GLDN: variants seen among roughly 807,000 people sequenced by gnomAD.
The protein encoded by GLDN is collomin.
Under a neutral mutation model 56.5 loss-of-function variants are expected in GLDN, and 47 were observed. The observed-to-expected ratio is 0.83, with a 90% confidence interval of 0.66 to 1.06. The LOEUF (loss-of-function observed/expected upper bound fraction) is 1.06, where lower values mean the gene tolerates loss of function less well. Among genes scored for constraint, GLDN ranks in the 50% least tolerant of loss-of-function variants. The pLI, the probability that GLDN is intolerant of heterozygous loss-of-function variation, is 0.00. For synonymous variants in GLDN, 332 were observed against 278.8 expected, an observed-to-expected ratio of 1.19 and a Z score of -1.90; for missense variants, 782 against 714.3, an observed-to-expected ratio of 1.09 and a Z score of -1.08.
At position 51,400,585 on chromosome 15, in the gene GLDN, G is replaced by A. The variant is rs1384708863; in HGVS notation, c.1027+87G>A. 3.6e-6 allele frequency: 5 copies of A among 1,388,820 alleles called. No homozygotes were observed. The East Asian group carries it at 1.2e-4, about 32-fold the overall frequency. 86.0% of individuals were successfully genotyped at this position (1,388,820 alleles called of 1,614,324 possible). A position where few individuals can be genotyped will look rare whatever the true frequency, so the allele number is the denominator to read the frequency against. On this transcript the variant is annotated intron_variant, in intron 8 of 9. Transcript: ENST00000335449. ...ACCTTTGGGCGTATTCCATTTGTGT[G>A]TGTCTGAAATCCCCGGTAGCTGGTG... is the stretch of plus-strand genomic sequence containing the variant.
At chr15:51,408,245 T>G (rs2038424933), downstream of GLDN, among the ~76,000 whole-genome samples, 1 of 152,196 alleles carries the variant, frequency 6.6e-6, no homozygotes, top group African/African-American at 2.4e-5. Context: ...TAGACATAAA[T>G]GCAATCAAGC....
chr15:51,355,884 C>G (rs944096871), intron 1 of GLDN, among the ~76,000 whole-genome samples: 7 of 150,520 alleles, frequency 4.7e-5, no homozygotes, highest in African/African-American at 7.3e-5. Flanking sequence ...GACCTCCTGT[C>G]TCATCCTGAG....
In GLDN at chr15:51,383,257, A is replaced by G. The variant is rs112974655; in HGVS notation, c.416-179A>G. Among the ~76,000 whole-genome samples the G allele has an allele frequency of 3.9e-4, 60 of 152,354 alleles. 2 individuals are homozygous for G. Among genetic ancestry groups the G allele is most frequent in the African/African-American group, 1.4e-3 (59 of 41,584 alleles). On this transcript the variant is annotated intron_variant, in intron 2 of 9. Transcript: ENST00000335449. ...CAAGCAAAAGTGGTTTGATTGGCAA[A>G]TGGGTCTTTGTTGAATTGCTTTAAA...
chr15:51,362,399 C>T (rs532409722), intron 1 of GLDN, among the ~76,000 whole-genome samples: 4 of 150,710 alleles, frequency 2.7e-5, no homozygotes, highest in East Asian at 2.0e-4. Flanking sequence ...GCAGGAGAAT[C>T]GCTTGAACCA....
At chr15:51,377,592 A>T (rs913670533) in intron 2 of GLDN, 92 bp downstream of exon 2, 1 of 829,836 alleles carries the variant, frequency 1.2e-6, no homozygotes, top group Non-Finnish European at 1.9e-6. Context: ...ACACTTTGTT[A>T]TAAAAATACA....
chr15:51,364,137 A>T (rs79260774), intron 1 of GLDN, among the ~76,000 whole-genome samples: 4,951 of 151,626 alleles, frequency 0.033, 114 homozygotes, highest in Non-Finnish European at 0.045. Flanking sequence ...GAATTTTGGA[A>T]TTTTTTTTGC....
At chr15:51,392,015 G>A (rs1384629806) in intron 4 of GLDN, among the ~76,000 whole-genome samples, 1 of 152,206 alleles carries the variant, frequency 6.6e-6, no homozygotes, top group Non-Finnish European at 1.5e-5. Context: ...TTCTAACAGT[G>A]ATCGACACTT....
intron 2 of GLDN, 118 bp downstream of exon 2, chr15:51,377,618 A>G (rs2037662873): frequency 1.5e-6 from 1 of 675,222 alleles, no homozygotes; most frequent in Non-Finnish European, 2.5e-6. Flanking sequence ...GTTTACTTTT[A>G]CCAGATGTTT....
chr15:51,360,766 T>C (rs2037282389), intron 1 of GLDN, among the ~76,000 whole-genome samples: 1 of 152,212 alleles, frequency 6.6e-6, no homozygotes, highest in African/African-American at 2.4e-5. Flanking sequence ...ACTCCTTTAC[T>C]AGGGAGGGAC....
At position 51,342,079 on chromosome 15, in the gene GLDN, C is replaced by G. The variant is rs376095060; in HGVS notation, c.363+32C>G. ...GGGGTCTCTGTTCCCCGTGGCGCCC[C>G]GGCCAGGTGGGCGGCTGGGGGTGTG... On this transcript the variant is annotated intron_variant, in intron 1 of 9. Coordinates refer to ENST00000335449, the MANE Select transcript of GLDN (RefSeq NM_181789.4). The G allele has an allele frequency of 3.7e-4, 582 of 1,588,302 alleles. 11 individuals are homozygous for G. The South Asian group carries it at 6.1e-3, about 17-fold the overall frequency.
chr15:51,353,372 C>T (rs1164760247), intron 1 of GLDN, among the ~76,000 whole-genome samples: 1 of 152,156 alleles, frequency 6.6e-6, no homozygotes, highest in Non-Finnish European at 1.5e-5. Context: ...GTTGCAATTC[C>T]CCTGTCTTGA....
Position 51,390,155 on chromosome 15 carries a change from G to A in GLDN, c.542-4680G>A, listed in dbSNP as rs144300720. Among the ~76,000 whole-genome samples the A allele has an allele frequency of 1.9e-3, 284 of 152,216 alleles. 3 individuals carry two copies. The highest frequency in any genetic ancestry group is 6.6e-3 in the African/African-American group (276 of 41,514). ...CACAATTTCCTCATTTGCAAAATGG[G>A]GACAATAATAGTATTAACCTCATAA... On this transcript the variant is annotated intron_variant, in intron 4 of 9. Coordinates refer to ENST00000335449, the MANE Select transcript of GLDN (RefSeq NM_181789.4).
intron 9 of GLDN, among the ~76,000 whole-genome samples, chr15:51,403,583 C>A (rs904568701): frequency 3.9e-5 from 6 of 152,264 alleles, no homozygotes; most frequent in Non-Finnish European, 8.8e-5. Flanking sequence ...AATCATACAG[C>A]CTCCAGGAGC....
chr15:51,352,548 T>C (rs2037095181), intron 1 of GLDN, among the ~76,000 whole-genome samples: 1 of 152,228 alleles, frequency 6.6e-6, no homozygotes, highest in South Asian at 2.1e-4. Flanking sequence ...ATCTGTGCTT[T>C]TATCAGCTGC....
At chr15:51,346,243 G>A (rs142121523) in intron 1 of GLDN, among the ~76,000 whole-genome samples, 124 of 152,120 alleles carry the variant, frequency 8.2e-4, no homozygotes, top group African/African-American at 2.9e-3. Flanking sequence ...CAAGGAAACC[G>A]CTGAAAAAGA....
chr15:51,370,591 A>G (rs2037495531), intron 1 of GLDN, among the ~76,000 whole-genome samples: 1 of 152,114 alleles, frequency 6.6e-6, no homozygotes, highest in Non-Finnish European at 1.5e-5. Context: ...ACACAACACT[A>G]ACATGCTTTC....
chr15:51,384,354 A>C (rs2037842262), intron 4 of GLDN: 1 of 207,352 alleles, frequency 4.8e-6, no homozygotes, highest in African/African-American at 2.4e-5. Context: ...GGAATAGCTC[A>C]AACTGCTTGA....
intron 9 of GLDN, among the ~76,000 whole-genome samples, chr15:51,403,696 G>C (rs1435976054): frequency 1.3e-5 from 2 of 152,118 alleles, no homozygotes; most frequent in African/African-American, 4.8e-5. Flanking sequence ...CTTCTCACCT[G>C]CTGACTTTCT....
At chr15:51,355,481 T>G (rs182774351) in intron 1 of GLDN, among the ~76,000 whole-genome samples, 4 of 152,176 alleles carry the variant, frequency 2.6e-5, no homozygotes, top group Admixed American at 2.6e-4. Flanking sequence ...CATCTTGGTT[T>G]TGGCTGGCTT....
Sources: allele counts gnomAD v4.1 joint callset (sites outside exome capture counted in the v4.1 genomes callset), GRCh38; gene constraint gnomAD v4.1.1; transcripts MANE v1.5; gene names NCBI Gene and HGNC (gene_info 2026-07-23, HGNC 2026-07-21).